Variants in RUNX1 observed in about 807,000 individuals in gnomAD.
RUNX1 encodes runt-related transcription factor 1.
Under a neutral mutation model 42.8 loss-of-function variants are expected in RUNX1, and 19 were observed. The observed-to-expected ratio is 0.44, with a 90% CI of 0.31 to 0.65. RUNX1 has a LOEUF of 0.65. Ranked by LOEUF, RUNX1 falls within the 30% of genes least tolerant of loss-of-function variation. The probability of loss-of-function intolerance (pLI) is 0.07; values close to 1 mark genes in which losing one functional copy is unlikely to be tolerated. For missense variants in RUNX1, 528 were observed against 672.0 expected (o/e 0.79, Z 2.37); for synonymous variants, 271 against 289.4 (o/e 0.94, Z 0.64).
chr21:34,960,624 C>A (rs2058675331), intron 2 of RUNX1, among the ~76,000 whole-genome samples: 1 of 152,154 alleles, frequency 6.6e-6, no homozygotes, highest in Non-Finnish European at 1.5e-5. Context: ...GAGACTTGCC[C>A]AGCCTTAAGA....
At chr21:35,047,547 ACACACACACACACACTCTCTCTCTCT>A (rs1254247034) in intron 2 of RUNX1, among the ~76,000 whole-genome samples, 3 of 123,310 alleles carry the variant, frequency 2.4e-5, no homozygotes, top group African/African-American at 9.4e-5. Flanking sequence ...ACACACACAC[ACACACACACACACACTCTCTCTCTCT>A]CTCTCTCTCT....
intron 2 of RUNX1, among the ~76,000 whole-genome samples, chr21:34,969,376 T>A (rs558508312): frequency 6.6e-6 from 1 of 151,608 alleles, no homozygotes; most frequent in African/African-American, 2.4e-5. Flanking sequence ...CAGGGCAGGC[T>A]GTCTCCTGCA....
At chr21:34,962,094 T>C (rs980463541) in intron 2 of RUNX1, among the ~76,000 whole-genome samples, 1 of 152,184 alleles carries the variant, frequency 6.6e-6, no homozygotes, top group Non-Finnish European at 1.5e-5. Flanking sequence ...AGACTTGCTA[T>C]GTTGCCCAGG....
chr21:34,945,438 T>G (rs1353537144), intron 2 of RUNX1, among the ~76,000 whole-genome samples: 7 of 152,138 alleles, frequency 4.6e-5, no homozygotes, highest in Non-Finnish European at 1.0e-4. Flanking sequence ...CTCCGCCACA[T>G]ACCCCACAAA....
chr21:34,837,499 A>G lies in RUNX1; in HGVS notation c.614-2898T>C, dbSNP rs1026604732. On this transcript the variant is annotated intron_variant, in intron 6 of 8. Transcript: ENST00000675419. ...GTGCCAAATAGCAATATTTTGCATG[A>G]AATATAGGAACTTCCGATATAAACT... Among the ~76,000 whole-genome samples the G allele has an allele frequency of 2.6e-5, 4 of 152,246 alleles. No homozygotes were observed. In the East Asian group the frequency reaches 7.7e-4, roughly 29 times the overall value.
intron 2 of RUNX1, among the ~76,000 whole-genome samples, chr21:35,020,049 A>G (rs2059187278): frequency 6.6e-6 from 1 of 152,146 alleles, no homozygotes. Context: ...AATTCCAGAT[A>G]TTTCAAATAT....
At chr21:35,027,928 TA>T (rs35682956) in intron 2 of RUNX1, among the ~76,000 whole-genome samples, 1 of 152,200 alleles carries the variant, frequency 6.6e-6, no homozygotes, top group African/African-American at 2.4e-5. Flanking sequence ...GGCCTACATT[TA>T]AAAATGCATG....
chr21:35,007,270 C>T (rs888645701), intron 2 of RUNX1, among the ~76,000 whole-genome samples: 4 of 152,182 alleles, frequency 2.6e-5, no homozygotes, highest in Admixed American at 2.0e-4. Context: ...TTCTATTCTG[C>T]GGGGCAGGGC....
At chr21:35,002,789 T>C (rs1191224890) in intron 2 of RUNX1, among the ~76,000 whole-genome samples, 1 of 152,212 alleles carries the variant, frequency 6.6e-6, no homozygotes, top group Admixed American at 6.5e-5. Context: ...GGAAGTTTTA[T>C]GTTTGTTCAC....
At chr21:34,811,496 T>C (rs898461852) in intron 7 of RUNX1, among the ~76,000 whole-genome samples, 1 of 152,206 alleles carries the variant, frequency 6.6e-6, no homozygotes, top group Non-Finnish European at 1.5e-5. Flanking sequence ...CATGTCGTCT[T>C]CTACACGCCC....
At chr21:35,047,160 G>A (rs926914400) in intron 2 of RUNX1, among the ~76,000 whole-genome samples, 44 of 152,134 alleles carry the variant, frequency 2.9e-4, no homozygotes, top group Non-Finnish European at 5.1e-4. Flanking sequence ...TTCCTGAGTT[G>A]ATAAAATAGG....
chr21:34,995,836 T>A (rs896060353), intron 2 of RUNX1, among the ~76,000 whole-genome samples: 1 of 152,316 alleles, frequency 6.6e-6, no homozygotes, highest in East Asian at 1.9e-4. Context: ...ATTTAGGAAC[T>A]AATGCTGTCT....
At chr21:34,808,019 C>T (rs1303548917) in intron 7 of RUNX1, among the ~76,000 whole-genome samples, 2 of 152,242 alleles carry the variant, frequency 1.3e-5, no homozygotes, top group Admixed American at 1.3e-4. Context: ...GAGCAGTCAC[C>T]TATTCCTACT....
At chr21:35,002,607 T>C (rs2059054724) in intron 2 of RUNX1, among the ~76,000 whole-genome samples, 1 of 151,904 alleles carries the variant, frequency 6.6e-6, no homozygotes, top group African/African-American at 2.4e-5. Context: ...TTTGTATTTT[T>C]AGTAGAGACG....
intron 3 of RUNX1, among the ~76,000 whole-genome samples, chr21:34,890,412 G>C (rs1411571891): frequency 2.6e-5 from 4 of 152,214 alleles, no homozygotes; most frequent in Non-Finnish European, 5.9e-5. Context: ...TTCCAATATA[G>C]AGTCGCAGCC....
At chr21:34,794,980 G>C (rs958837413) in intron 8 of RUNX1, among the ~76,000 whole-genome samples, 1 of 152,172 alleles carries the variant, frequency 6.6e-6, no homozygotes, top group Non-Finnish European at 1.5e-5. Flanking sequence ...AGATGTAGAA[G>C]GGCACCCTGG....
intron 6 of RUNX1, among the ~76,000 whole-genome samples, chr21:34,844,099 C>CTG: frequency 6.6e-6 from 1 of 152,180 alleles, no homozygotes; most frequent in African/African-American, 2.4e-5. Context: ...CCAGTTACAG[C>CTG]GTAACTGAAA....
chr21:34,981,983 A>G (rs537311554), intron 2 of RUNX1, among the ~76,000 whole-genome samples: 66 of 152,310 alleles, frequency 4.3e-4, no homozygotes, highest in Admixed American at 1.4e-3. Context: ...ACAGCTGCTA[A>G]AAATGCAGCT....
intron 2 of RUNX1, among the ~76,000 whole-genome samples, chr21:34,945,062 C>G (rs904102699): frequency 6.6e-6 from 1 of 152,122 alleles, no homozygotes; most frequent in Non-Finnish European, 1.5e-5. Context: ...TCATGGAGAA[C>G]AGGCATGCCA....
Sources: allele counts gnomAD v4.1 joint callset (sites outside exome capture counted in the v4.1 genomes callset), GRCh38; gene constraint gnomAD v4.1.1; transcripts MANE v1.5; gene names NCBI Gene and HGNC (gene_info 2026-07-23, HGNC 2026-07-21).